Variants in ZFHX4 observed in about 807,000 individuals in gnomAD.
ZFHX4 encodes the protein zinc finger homeobox protein 4.
A neutral mutation model predicts 267.6 loss-of-function variants in ZFHX4; 56 were observed. The ratio of observed to expected loss-of-function variants is 0.21; its 90% CI spans 0.17 to 0.26. ZFHX4 has a LOEUF of 0.26. Among genes scored for constraint, ZFHX4 ranks in the 10% least tolerant of loss-of-function variants. The probability of loss-of-function intolerance (pLI) is 1.00; values close to 1 mark genes in which losing one functional copy is unlikely to be tolerated. For synonymous variants in ZFHX4, 1,778 were observed against 1,665.6 expected, an observed-to-expected ratio of 1.07 and a Z score of -1.64; for missense variants, 4,332 against 4,420.0, an observed-to-expected ratio of 0.98 and a Z score of 0.56.
At chr8:76,798,984 A>C (rs1811052355) in intron 4 of ZFHX4, among the ~76,000 whole-genome samples, 1 of 152,198 alleles carries the variant, frequency 6.6e-6, no homozygotes, top group African/African-American at 2.4e-5. Context: ...TGTAAAGAGG[A>C]GAGGCACAAT....
chr8:76,784,149 C>T (rs759599740), intron 4 of ZFHX4, among the ~76,000 whole-genome samples: 48 of 151,922 alleles, frequency 3.2e-4, no homozygotes, highest in Admixed American at 5.3e-4. Flanking sequence ...GCTGTGTATG[C>T]CAGTTGATAT....
chr8:76,689,760 T>C (rs1807779094), intron 1 of ZFHX4, among the ~76,000 whole-genome samples: 1 of 152,108 alleles, frequency 6.6e-6, no homozygotes, highest in African/African-American at 2.4e-5. Context: ...CCCTTTCTTT[T>C]AAAGGTTTGT....
chr8:76,693,260 T>C (rs756440451), intron 1 of ZFHX4: 4 of 152,156 alleles, frequency 2.6e-5, no homozygotes, highest in Non-Finnish European at 4.4e-5. Flanking sequence ...AATCTGCCTT[T>C]CCTCTTGAAA....
chr8:76,751,800 G>C (rs1809620756), intron 3 of ZFHX4, among the ~76,000 whole-genome samples: 1 of 152,088 alleles, frequency 6.6e-6, no homozygotes, highest in Non-Finnish European at 1.5e-5. Flanking sequence ...TTGCATCTCT[G>C]GGAAACTCTT....
At chr8:76,793,560 C>T (rs1734580628) in intron 4 of ZFHX4, among the ~76,000 whole-genome samples, 1 of 152,134 alleles carries the variant, frequency 6.6e-6, no homozygotes, top group Admixed American at 6.6e-5. Flanking sequence ...ATAATTCCAG[C>T]AGATGAATTT....
intron 3 of ZFHX4, among the ~76,000 whole-genome samples, chr8:76,730,274 A>ACC (rs1808968549): frequency 6.6e-6 from 1 of 152,180 alleles, no homozygotes; most frequent in Non-Finnish European, 1.5e-5. Flanking sequence ...TGACCACGTG[A>ACC]ACAAAGAGAT....
intron 10 of ZFHX4, 183 bp downstream of exon 10, chr8:76,856,483 AC>A: frequency 1.5e-6 from 1 of 689,612 alleles, no homozygotes; most frequent in Non-Finnish European, 2.5e-6. Flanking sequence ...AACCTGAAAC[AC>A]ACACAGAAAA....
chr8:76,863,383 A>G lies in ZFHX4; in HGVS notation c.9669A>G (p.Ser3223=), dbSNP rs1812928149. The part of the protein sequence containing the change: ...EKHPKKEEKI[S]SALSVLGKVV... ...ACCCCAAAAAAGAGGAAAAAATCTC[A>G]TCTGCTCTTTCAGTGTTGGGCAAAG... The change falls in exon 11 of 11, where the codon TCA becomes TCG. Residue 3223 remains serine (S), a synonymous_variant. Coordinates refer to ENST00000651372, the MANE Select transcript of ZFHX4 (RefSeq NM_024721.5). The G allele has an allele frequency of 1.2e-6, 2 of 1,613,610 alleles. No individual in the cohort carries two copies. Among genetic ancestry groups the G allele is most frequent in the East Asian group, 2.2e-5 (1 of 44,886 alleles).
At chr8:76,742,114 G>C (rs115504496) in intron 3 of ZFHX4, among the ~76,000 whole-genome samples, 2 of 152,174 alleles carry the variant, frequency 1.3e-5, no homozygotes, top group Non-Finnish European at 2.9e-5. Flanking sequence ...ATGTACAAGA[G>C]GAATAAGCAG....
chr8:76,830,959 A>G (rs1364871275), intron 4 of ZFHX4, among the ~76,000 whole-genome samples: 1 of 152,196 alleles, frequency 6.6e-6, no homozygotes, highest in Non-Finnish European at 1.5e-5. Context: ...TTACAACTAG[A>G]TACATTGAAA....
intron 9 of ZFHX4, 62 bp downstream of exon 9, chr8:76,850,424 G>A: frequency 7.5e-7 from 1 of 1,331,716 alleles, no homozygotes; most frequent in East Asian, 2.5e-5. Flanking sequence ...ATTTGTGGTG[G>A]TGCCCAAAGA....
At chr8:76,701,758 TA>T (rs2131600132) in intron 1 of ZFHX4, among the ~76,000 whole-genome samples, 1 of 152,296 alleles carries the variant, frequency 6.6e-6, no homozygotes, top group African/African-American at 2.4e-5. Flanking sequence ...TACAAAGCTG[TA>T]AAATGTTGAG....
chr8:76,733,905 T>C (rs1307727608), intron 3 of ZFHX4, among the ~76,000 whole-genome samples: 1 of 152,194 alleles, frequency 6.6e-6, no homozygotes, highest in African/African-American at 2.4e-5. Flanking sequence ...GGTTTGATAA[T>C]AGATGTCATC....
rs1182103349 is a variant in ZFHX4 at position 76,853,685 on chromosome 8, A to C, written c.6764A>C (p.Glu2255Ala). Residue 2255 changes from glutamate to alanine, a missense_variant, in exon 10 of 11, where the codon GAA (glutamate) becomes GCA (alanine). Glu to Ala is a moderately radical substitution (Grantham distance 107). Coordinates refer to ENST00000651372, the MANE Select transcript of ZFHX4 (RefSeq NM_024721.5). The part of the protein sequence containing the change: ...FDTNAYPKDD[E>A]IEQLSTVLNL... ...ACAAACGCTTACCCAAAAGATGATG[A>C]AATAGAACAACTCTCCACTGTTCTC... 2 of 1,613,752 alleles carry C rather than the reference A, an allele frequency of 1.2e-6. No individual in the cohort carries two copies. Among genetic ancestry groups the C allele is most frequent in the Non-Finnish European group, 1.7e-6 (2 of 1,179,828 alleles).
In ZFHX4 at chr8:76,866,398, A is replaced by G. The variant is rs998009917; in HGVS notation, c.*1833A>G. On this transcript the variant is annotated 3_prime_UTR_variant, in exon 11 of 11. Transcript: ENST00000651372. ...TATTGTACAGTTTTTGTTTCGGATG[A>G]TGATCACAGCAATCTTTATTCTATA... 4 of 152,260 alleles carry G rather than the reference A, an allele frequency of 2.6e-5. No homozygotes were observed. Among genetic ancestry groups the G allele is most frequent in the African/African-American group, 9.7e-5 (4 of 41,354 alleles). 9.4% of individuals were successfully genotyped at this position (152,260 alleles called of 1,614,324 possible). A position where few individuals can be genotyped will look rare whatever the true frequency, so the allele number is the denominator to read the frequency against.
intron 4 of ZFHX4, among the ~76,000 whole-genome samples, chr8:76,783,303 G>A (rs1378645202): frequency 1.3e-5 from 2 of 151,972 alleles, no homozygotes; most frequent in East Asian, 3.9e-4. Flanking sequence ...AGCACTTGAC[G>A]TGTTGTTGCA....
chr8:76,777,798 G>C (rs1810436884), intron 3 of ZFHX4, among the ~76,000 whole-genome samples: 1 of 151,088 alleles, frequency 6.6e-6, no homozygotes, highest in South Asian at 2.1e-4. Context: ...TAAACATCAA[G>C]AAGTACCTCA....
In ZFHX4 at chr8:76,864,671, T is replaced by G; in HGVS notation, c.*106T>G. ...AGCTTCTCTAACCCAAAAATTACAG[T>G]ACCAAATGATTGACTCAGGATTGTT... On this transcript the variant is annotated 3_prime_UTR_variant, in exon 11 of 11. Coordinates refer to ENST00000651372, the MANE Select transcript of ZFHX4 (RefSeq NM_024721.5). 1.3e-6 allele frequency: 1 copy of G among 752,374 alleles called. No individual in the cohort carries two copies. The highest frequency in any genetic ancestry group is 2.1e-6 in the Non-Finnish European group (1 of 486,660). The allele number at this position is 752,374 out of a possible 1,614,324, so 46.6% of individuals were successfully genotyped here. A position where few individuals can be genotyped will look rare whatever the true frequency, so the allele number is the denominator to read the frequency against.
chr8:76,840,369 G>A (rs1300075890), intron 5 of ZFHX4, among the ~76,000 whole-genome samples: 1 of 152,150 alleles, frequency 6.6e-6, no homozygotes, highest in Non-Finnish European at 1.5e-5. Context: ...CAGAGTCTTT[G>A]TTCACATTCA....
Sources: allele counts gnomAD v4.1 joint callset (sites outside exome capture counted in the v4.1 genomes callset), GRCh38; gene constraint gnomAD v4.1.1; transcripts MANE v1.5; gene names NCBI Gene and HGNC (gene_info 2026-07-23, HGNC 2026-07-21).